FRMD3: variants seen among roughly 807,000 people sequenced by gnomAD.
FRMD3 encodes the protein FERM domain containing 3.
Under a neutral mutation model 70.2 loss-of-function variants are expected in FRMD3, and 33 were observed. The observed-to-expected ratio is 0.47, with a 90% CI of 0.36 to 0.63. The LOEUF is 0.63. FRMD3 is among the 20% of genes least tolerant of loss of function. The pLI is 0.00. For missense variants in FRMD3, 632 were observed against 711.4 expected (o/e 0.89, Z 1.27); for synonymous variants, 279 against 255.9 (o/e 1.09, Z -0.86).
At chr9:83,328,962 G>A (rs893733385) in intron 6 of FRMD3, among the ~76,000 whole-genome samples, 9 of 152,198 alleles carry the variant, frequency 5.9e-5, no homozygotes, top group African/African-American at 2.2e-4. Flanking sequence ...AGTAATGGCT[G>A]ACTCCTACTT....
chr9:83,433,746 T>G (rs184692581), intron 1 of FRMD3, among the ~76,000 whole-genome samples: 21 of 152,314 alleles, frequency 1.4e-4, no homozygotes, highest in African/African-American at 4.8e-4. Flanking sequence ...CCTAGATCCC[T>G]TGTATGCACA....
At chr9:83,292,711 G>C (rs754180248) in intron 12 of FRMD3, among the ~76,000 whole-genome samples, 1 of 151,204 alleles carries the variant, frequency 6.6e-6, no homozygotes, top group Non-Finnish European at 1.5e-5. Context: ...GCAGTGGTAC[G>C]ATCTCGGCTC....
At chr9:83,488,964 CT>C (rs1828748046) in intron 1 of FRMD3, among the ~76,000 whole-genome samples, 2 of 121,734 alleles carry the variant, frequency 1.6e-5, no homozygotes, top group Non-Finnish European at 3.7e-5. Context: ...GCTTAGCCCC[CT>C]ATACCTTTGT....
At chr9:83,251,025 T>C (rs1404227559) in intron 13 of FRMD3, among the ~76,000 whole-genome samples, 2 of 152,196 alleles carry the variant, frequency 1.3e-5, no homozygotes, top group African/African-American at 4.8e-5. Context: ...GACTGCTTCT[T>C]TGGGTGGGTC....
At chr9:83,482,828 C>T (rs1167198009) in intron 1 of FRMD3, among the ~76,000 whole-genome samples, 1 of 152,146 alleles carries the variant, frequency 6.6e-6, no homozygotes, top group East Asian at 1.9e-4. Flanking sequence ...TGGCACCAGA[C>T]AACCAATCTG....
intron 1 of FRMD3, among the ~76,000 whole-genome samples, chr9:83,485,566 T>C (rs760441290): frequency 2.6e-5 from 4 of 152,216 alleles, no homozygotes; most frequent in Admixed American, 1.3e-4. Flanking sequence ...GTCAAGCCCC[T>C]TGGGTTTCTG....
intron 1 of FRMD3, among the ~76,000 whole-genome samples, chr9:83,517,098 GAAGAC>G (rs1829469890): frequency 6.6e-6 from 1 of 152,070 alleles, no homozygotes; most frequent in South Asian, 2.1e-4. Flanking sequence ...AAAGCTAGCA[GAAGAC>G]AAGACATAAC....
chr9:83,298,988 G>T (rs1834791092), intron 11 of FRMD3, 124 bp downstream of exon 11: 1 of 930,474 alleles, frequency 1.1e-6, no homozygotes, highest in Non-Finnish European at 1.7e-6. Flanking sequence ...GACAGCAATG[G>T]AGTAGAAATG....
chr9:83,248,399 T>C lies in FRMD3; in HGVS notation c.1313A>G (p.Glu438Gly). The change falls in exon 14 of 14, where the codon GAA becomes GGA. Residue 438 changes from glutamate to glycine, a missense_variant. Glu to Gly is a moderately conservative substitution (Grantham distance 98). Transcript: ENST00000304195. ...PSEEEDKIKE[E>G]PLTISELVYN... ...CACTAGTTCAGAGATGGTTAAAGGTTCTTCTTTTATTTTATCTTCCTCTTC... is the reference window on the plus strand; with the variant it reads ...CACTAGTTCAGAGATGGTTAAAGGTCCTTCTTTTATTTTATCTTCCTCTTC... 2 of 1,614,196 alleles carry C rather than the reference T, an allele frequency of 1.2e-6. No homozygotes were observed. Among genetic ancestry groups the C allele is most frequent in the Non-Finnish European group, 1.7e-6 (2 of 1,180,036 alleles).
intron 1 of FRMD3, among the ~76,000 whole-genome samples, chr9:83,514,001 C>T (rs138719737): frequency 0.053 from 8,046 of 152,250 alleles, 300 homozygotes; most frequent in East Asian, 0.2. Context: ...GCCTACACCA[C>T]AAGGGCCCTG....
chr9:83,522,381 G>C (rs1829589814), intron 1 of FRMD3, among the ~76,000 whole-genome samples: 1 of 152,086 alleles, frequency 6.6e-6, no homozygotes, highest in South Asian at 2.1e-4. Flanking sequence ...GCGTAGAGAA[G>C]CCTTCAGCGG....
intron 1 of FRMD3, among the ~76,000 whole-genome samples, chr9:83,398,117 G>T (rs1378575874): frequency 6.6e-6 from 1 of 152,116 alleles, no homozygotes; most frequent in Non-Finnish European, 1.5e-5. Context: ...TTAATATTCT[G>T]CTATAAAAAA....
chr9:83,400,805 A>G (rs905827181), intron 1 of FRMD3, among the ~76,000 whole-genome samples: 4 of 152,240 alleles, frequency 2.6e-5, no homozygotes, highest in African/African-American at 9.6e-5. Flanking sequence ...TCCTGACCAC[A>G]GTAGCTGAGA....
chr9:83,579,305 A>G, the FRMD3 span, among the ~76,000 whole-genome samples: 1 of 151,946 alleles, frequency 6.6e-6, no homozygotes, highest in African/African-American at 2.4e-5. Context: ...GAAATGTAAA[A>G]AAAAAAAAAA....
chr9:83,250,036 C>T (rs752260979), intron 13 of FRMD3, among the ~76,000 whole-genome samples: 3 of 152,170 alleles, frequency 2.0e-5, no homozygotes, highest in Admixed American at 2.0e-4. Flanking sequence ...CTGCAGCACT[C>T]ATGGAGATGA....
At chr9:83,348,491 C>A (rs1824035218) in intron 4 of FRMD3, among the ~76,000 whole-genome samples, 1 of 152,104 alleles carries the variant, frequency 6.6e-6, no homozygotes, top group Non-Finnish European at 1.5e-5. Flanking sequence ...GGAGTGACTT[C>A]TATGGGGTAC....
chr9:83,397,670 G>A (rs1240526181), intron 1 of FRMD3, among the ~76,000 whole-genome samples: 1 of 152,156 alleles, frequency 6.6e-6, no homozygotes, highest in East Asian at 1.9e-4. Context: ...TCCTAATTAT[G>A]AGGGTTGTGA....
rs577811909 is a variant in FRMD3 at position 83,475,921 on chromosome 9, T to C, written c.147+62164A>G. Among the ~76,000 whole-genome samples, 99 of 152,182 alleles carry C rather than the reference T, an allele frequency of 6.5e-4. 1 individual carries two copies. The highest frequency in any genetic ancestry group is 2.1e-3 in the African/African-American group (87 of 41,512). ...AATGAGTGTTAGGTCCCTTTCCTCC[T>C]CCCCCCAGGCCTCACTTACGTAAAT... On this transcript the variant is annotated intron_variant, in intron 1 of 13. Transcript: ENST00000304195.
intron 1 of FRMD3, among the ~76,000 whole-genome samples, chr9:83,390,880 A>G (rs898855887): frequency 8.5e-5 from 13 of 152,262 alleles, no homozygotes; most frequent in Non-Finnish European, 1.8e-4. Context: ...TCTATGTTAC[A>G]TAATGATCTT....
Sources: gnomAD v4.1 joint callset for allele counts (sites outside exome capture counted in the v4.1 genomes callset) on GRCh38, gnomAD v4.1.1 for gene constraint, MANE v1.5 for transcripts, NCBI Gene and HGNC (gene_info 2026-07-23, HGNC 2026-07-21) for gene names.